The following GNAS variants were observed in gnomAD, a reference collection of about 807,000 sequenced individuals.
The protein encoded by GNAS is protein ALEX.
Under a neutral mutation model 54.5 loss-of-function variants are expected in GNAS, and 8 were observed. That is an observed-to-expected ratio of 0.15 (90% CI 0.09 to 0.26). GNAS has a LOEUF of 0.26. GNAS is among the 10% of genes least tolerant of loss of function. The pLI is 1.00. For missense variants in GNAS, 170 were observed against 529.8 expected (o/e 0.32, Z 6.67); for synonymous variants, 204 against 191.4 (o/e 1.07, Z -0.54).
chr20:58,883,321 C>T (rs1416265219), intron 1 of GNAS, among the ~76,000 whole-genome samples: 1 of 152,006 alleles, frequency 6.6e-6, no homozygotes, highest in Non-Finnish European at 1.5e-5. Context: ...GTAATTAGCA[C>T]AAAAGGAGCC....
rs201513160 is a variant in GNAS at position 58,855,245 on chromosome 20, C to T, written c.43+14359C>T. 86 of 1,591,166 alleles carry T rather than the reference C, an allele frequency of 5.4e-5. No homozygotes were observed. Among genetic ancestry groups the T allele is most frequent in the Non-Finnish European group, 6.8e-6 (8 of 1,168,702 alleles). ...CCCTGGAGAAGCGGGCCCAGAAGCG[C>T]GCAGAGAAGAAACGCAGTAAGCTCA... On this transcript the variant is annotated intron_variant, in intron 1 of 12. Transcript: ENST00000306090.
At chr20:58,882,194 G>A (rs2088271567) in intron 1 of GNAS, among the ~76,000 whole-genome samples, 1 of 152,146 alleles carries the variant, frequency 6.6e-6, no homozygotes, top group East Asian at 1.9e-4. Flanking sequence ...TCAGCCTCCC[G>A]AGTAGCTGGG....
chr20:58,888,862 T>A (rs2088801928), upstream of GNAS: 1 of 154,434 alleles, frequency 6.5e-6, no homozygotes, highest in African/African-American at 2.4e-5. Context: ...GTCGCACACT[T>A]TGCACGCCGC....
intron 2 of GNAS, chr20:58,897,728 C>G (rs541823730): frequency 8.5e-5 from 13 of 152,170 alleles, no homozygotes; most frequent in African/African-American, 2.7e-4. Context: ...GGCACAGATA[C>G]GTTAAATTTA....
At chr20:58,877,194 AG>A (rs2087881761) in intron 1 of GNAS, among the ~76,000 whole-genome samples, 1 of 151,852 alleles carries the variant, frequency 6.6e-6, no homozygotes, top group South Asian at 2.1e-4. Context: ...GTGGGGGGAA[AG>A]GAGGGGGCTC....
chr20:58,893,000 A>G (rs954627712), intron 1 of GNAS, among the ~76,000 whole-genome samples: 1 of 151,090 alleles, frequency 6.6e-6, no homozygotes, highest in Non-Finnish European at 1.5e-5. Flanking sequence ...ACATTCACAA[A>G]TCAGATAAAA....
intron 1 of GNAS, among the ~76,000 whole-genome samples, chr20:58,859,270 T>C (rs1396756493): frequency 6.6e-6 from 1 of 151,980 alleles, no homozygotes; most frequent in African/African-American, 2.4e-5. Context: ...GCAGGATTTC[T>C]GCTCACTGCA....
At chr20:58,862,976 AAAG>A (rs1453344069) in intron 1 of GNAS, among the ~76,000 whole-genome samples, 1 of 151,994 alleles carries the variant, frequency 6.6e-6, no homozygotes, top group Admixed American at 6.6e-5. Context: ...AAAAAAAAAA[AAAG>A]AAAGAAAGAA....
At chr20:58,855,290 C>A (rs867871978) in intron 1 of GNAS, 1 of 1,584,014 alleles carries the variant, frequency 6.3e-7, no homozygotes, top group Non-Finnish European at 8.6e-7. Flanking sequence ...AACTCCAGGA[C>A]GAAAAGATGG....
chr20:58,905,816 T>C (rs2091006180), intron 6 of GNAS, among the ~76,000 whole-genome samples: 1 of 152,206 alleles, frequency 6.6e-6, no homozygotes, highest in African/African-American at 2.4e-5. Context: ...TGTGCTCACA[T>C]TTTGAATAAT....
intron 1 of GNAS, among the ~76,000 whole-genome samples, chr20:58,870,737 A>G (rs1489734355): frequency 6.6e-6 from 1 of 152,026 alleles, no homozygotes; most frequent in African/African-American, 2.4e-5. Context: ...CAGACGCACA[A>G]ATCCCTCCCT....
chr20:58,871,155 G>A (rs377335863), intron 1 of GNAS, among the ~76,000 whole-genome samples: 5 of 152,170 alleles, frequency 3.3e-5, no homozygotes, highest in African/African-American at 4.8e-5. Flanking sequence ...AAGAATTGAG[G>A]TTCCCTCCCT....
At position 58,853,901 on chromosome 20, in the gene GNAS, C is replaced by T. The variant is rs776302779; in HGVS notation, c.43+13015C>T. 5.0e-6 allele frequency: 8 copies of T among 1,604,634 alleles called. No individual in the cohort carries two copies. The African/African-American group carries it at 5.4e-5, about 11-fold the overall frequency. On this transcript the variant is annotated intron_variant, in intron 1 of 12. Coordinates refer to the GNAS transcript ENST00000306090. The surrounding 1 kb of genome is among the most constrained non-coding windows in gnomAD (Gnocchi z 4.4). ...CCCTCAGGCCTGCAAAGGCTGGCTC[C>T]AGAGGAGGCTACAGCCCTCCCCCTG...
At chr20:58,858,299 T>A (rs2086599093) in intron 1 of GNAS, among the ~76,000 whole-genome samples, 1 of 152,208 alleles carries the variant, frequency 6.6e-6, no homozygotes, top group South Asian at 2.1e-4. Flanking sequence ...AAATGTATGT[T>A]CATGTGCTTA....
At chr20:58,900,114 A>T (rs2090472747) in intron 3 of GNAS, 2 of 571,068 alleles carry the variant, frequency 3.5e-6, no homozygotes, top group Non-Finnish European at 6.3e-6. Flanking sequence ...ACCTTAAACG[A>T]TGATTGAAAA....
At chr20:58,883,854 C>T (rs541632532) in intron 1 of GNAS, among the ~76,000 whole-genome samples, 2 of 152,096 alleles carry the variant, frequency 1.3e-5, no homozygotes, top group African/African-American at 4.8e-5. Context: ...GACTGTGCCC[C>T]GATGGTTAGT....
At chr20:58,903,142 C>T in intron 3 of GNAS, 1 of 370,780 alleles carries the variant, frequency 2.7e-6, no homozygotes, top group Non-Finnish European at 5.2e-6. Flanking sequence ...TTTTGTTCCA[C>T]CCCAACCTCA....
upstream of GNAS, chr20:58,888,544 TCCAGAGCCC>T (rs1281783582): frequency 1.3e-5 from 2 of 152,068 alleles, no homozygotes; most frequent in Non-Finnish European, 2.9e-5. Context: ...TTCCCTCTGT[TCCAGAGCCC>T]CCAGGGCGCC....
In GNAS at chr20:58,891,531, A is replaced by G; in HGVS notation, c.-196A>G. 1 of 973,028 alleles carries G rather than the reference A, an allele frequency of 1.0e-6. No homozygotes were observed. The highest frequency in any genetic ancestry group is 1.8e-5 in the African/African-American group (1 of 54,764). The allele number at this position is 973,028 out of a possible 1,614,324, so 60.3% of individuals were successfully genotyped here. A position where few individuals can be genotyped will look rare whatever the true frequency, so the allele number is the denominator to read the frequency against. On this transcript the variant is annotated 5_prime_UTR_variant, in exon 1 of 13. Transcript: ENST00000371085. ...CTGCGCGCGCCCCTCGGTCCGACCG[A>G]CACCCTCCCCTTCCCGCCCGTCCGC...
Sources: gnomAD v4.1 joint callset for allele counts (sites outside exome capture counted in the v4.1 genomes callset) on GRCh38, gnomAD v4.1.1 for gene constraint, Gnocchi (gnomAD v3.1) non-coding constraint, MANE v1.5 for transcripts, NCBI Gene and HGNC (gene_info 2026-07-23, HGNC 2026-07-21) for gene names.